Variants in HSPA4 observed in about 807,000 individuals in gnomAD.
HSPA4 encodes the protein heat shock protein family A (Hsp70) member 4.
Under a neutral mutation model 106.2 loss-of-function variants are expected in HSPA4, and 25 were observed. That is an observed-to-expected ratio of 0.24 (90% CI 0.17 to 0.33). The LOEUF is 0.33. Ranked by LOEUF, HSPA4 falls within the 10% of genes least tolerant of loss-of-function variation. The pLI is 1.00. For synonymous variants in HSPA4, 332 were observed against 333.6 expected, an observed-to-expected ratio of 1.00 and a Z score of 0.05; for missense variants, 841 against 996.0, an observed-to-expected ratio of 0.84 and a Z score of 2.10.
chr5:133,095,616 CCTCA>C, intron 13 of HSPA4, among the ~76,000 whole-genome samples: 1 of 152,250 alleles, frequency 6.6e-6, no homozygotes, highest in East Asian at 1.9e-4. Context: ...ATACCCTCCT[CCTCA>C]CTAACTTCAT....
At chr5:133,089,914 G>A (rs2126711252) in intron 11 of HSPA4, among the ~76,000 whole-genome samples, 1 of 152,104 alleles carries the variant, frequency 6.6e-6, no homozygotes, top group East Asian at 1.9e-4. Context: ...GAACAAGTAT[G>A]GTATTCTGAA....
At chr5:133,095,524 T>C (rs1386614887) in intron 13 of HSPA4, among the ~76,000 whole-genome samples, 1 of 152,196 alleles carries the variant, frequency 6.6e-6, no homozygotes, top group Non-Finnish European at 1.5e-5. Context: ...GGAATGAGTT[T>C]TTTCCTTGTG....
At position 133,106,080 on chromosome 5, in the gene HSPA4, A is replaced by G. The variant is rs1462900959; in HGVS notation, c.*1644A>G. 1 of 98,590 alleles carries G rather than the reference A, an allele frequency of 1.0e-5. No individual in the cohort carries two copies. Among genetic ancestry groups the G allele is most frequent in the African/African-American group, 3.7e-5 (1 of 26,684 alleles). 6.1% of individuals were successfully genotyped at this position (98,590 alleles called of 1,614,324 possible). On this transcript the variant is annotated 3_prime_UTR_variant, in exon 19 of 19. Transcript: ENST00000304858. ...ACAACTGGCCCAGACCGTAATGGCC[A>G]TTTCTTCTTAAAAAAAAAAAAATTT...
intron 17 of HSPA4, 43 bp downstream of exon 17, chr5:133,101,921 C>CTTTT (rs60177569): frequency 2.5e-4 from 179 of 719,214 alleles, no homozygotes; most frequent in Admixed American, 3.8e-4. Context: ...GTAAAGTTAA[C>CTTTT]TTTTTTTTTT....
In HSPA4 at chr5:133,076,898, G is replaced by GGTAA; in HGVS notation, c.908+4_908+7dup. ...GTTGATGTATCTGGAACTATGAATA[G>GGTAA]GTAAGTATATTACTATTTCGATGTT... On this transcript the variant is annotated stop_gained and frameshift_variant and splice_region_variant. Transcript: ENST00000304858. LOFTEE classifies it high-confidence loss of function. 6.2e-7 allele frequency: 1 copy of GGTAA among 1,605,466 alleles called. No individual in the cohort carries two copies.
rs77143414 is a variant in HSPA4 at position 133,067,617 on chromosome 5, A to G, written c.306+60A>G. ...TGCATTATTATATTTTATCAGTTCA[A>G]TATCTATCTGTACTTTTCTGATGTC... is the stretch of plus-strand genomic sequence containing the variant. On this transcript the variant is annotated intron_variant, in intron 3 of 18. Coordinates refer to ENST00000304858, the MANE Select transcript of HSPA4 (RefSeq NM_002154.4). The G allele has an allele frequency of 6.2e-3, 8,520 of 1,371,460 alleles. 531 individuals are homozygous for G. In the Admixed American group the frequency reaches 0.12, roughly 19 times the overall value. The allele number at this position is 1,371,460 out of a possible 1,614,324, so 85.0% of individuals were successfully genotyped here. A position where few individuals can be genotyped will look rare whatever the true frequency, so the allele number is the denominator to read the frequency against.
rs57393822 is a variant in HSPA4, at chr5:133,078,635, CAAAAAAAAAA to C, written c.908+1750_908+1759del. The stretch of plus-strand genomic sequence containing the variant: ...GGGCAACAAAGTGAGACACTGTCTC[CAAAAAAAAAA>C]AAAAAAAAAAAAGTTGTACTGTATT... On this transcript the variant is annotated intron_variant, in intron 7 of 18. Coordinates refer to ENST00000304858, the MANE Select transcript of HSPA4 (RefSeq NM_002154.4). 1.2e-3 allele frequency among the ~76,000 whole-genome samples: 97 copies of C among 79,578 alleles called. No homozygotes were observed. In the East Asian group the frequency reaches 0.039, roughly 32 times the overall value. The allele number at this position is 79,578 out of a possible 152,430, so 52.2% of individuals were successfully genotyped here. A position where few individuals can be genotyped will look rare whatever the true frequency, so the allele number is the denominator to read the frequency against.
In HSPA4 at chr5:133,104,530, A is replaced by C; in HGVS notation, c.*94A>C. ...CAACTAGCGCAAGTGAATACTGAAG[A>C]TTTCTTAGTCAGTTTTTAGGGGATT... On this transcript the variant is annotated 3_prime_UTR_variant, in exon 19 of 19. Coordinates refer to ENST00000304858, the MANE Select transcript of HSPA4 (RefSeq NM_002154.4). The C allele has an allele frequency of 8.6e-7, 1 of 1,158,576 alleles. No homozygotes were observed. Among genetic ancestry groups the C allele is most frequent in the South Asian group, 1.4e-5 (1 of 70,296 alleles). The allele number at this position is 1,158,576 out of a possible 1,614,324, so 71.8% of individuals were successfully genotyped here.
intron 7 of HSPA4, among the ~76,000 whole-genome samples, chr5:133,083,865 A>C (rs1040035984): frequency 6.6e-6 from 1 of 152,154 alleles, no homozygotes; most frequent in African/African-American, 2.4e-5. Flanking sequence ...GCATATCTCA[A>C]AGTAAATTGC....
intron 1 of HSPA4, among the ~76,000 whole-genome samples, chr5:133,059,042 T>C (rs1422898903): frequency 7.0e-6 from 1 of 143,268 alleles, no homozygotes; most frequent in African/African-American, 2.6e-5. Flanking sequence ...GCAGGAGAAT[T>C]GCTTGAATCC....
Position 133,073,283 on chromosome 5 carries a change from G to A in HSPA4, c.483G>A (p.Gln161=). The A allele has an allele frequency of 6.2e-7, 1 of 1,612,638 alleles. No individual in the cohort carries two copies. The highest frequency in any genetic ancestry group is 8.5e-7 in the Non-Finnish European group (1 of 1,179,196). ...GACGATCAGTGATGGATGCAACACA[G>A]ATTGCTGGTCTTAATTGCTTGCGAT... ...AERRSVMDAT[Q]IAGLNCLRLM... is the part of the protein sequence containing the mutation. The change falls in exon 5 of 19, where the codon CAG becomes CAA. Residue 161 remains glutamine, a synonymous_variant. Coordinates refer to ENST00000304858, the MANE Select transcript of HSPA4 (RefSeq NM_002154.4).
rs1392776726 is a variant in HSPA4, at chr5:133,065,314, A to G, written c.165+277A>G. Among the ~76,000 whole-genome samples, 5 of 152,246 alleles carry G rather than the reference A, an allele frequency of 3.3e-5. No homozygotes were observed. In the South Asian group the frequency reaches 6.2e-4, roughly 19 times the overall value. ...CAAATGAAAACAATCCAGTGTAACA[A>G]CTACTTACATAGCATTTACATTGTA... On this transcript the variant is annotated intron_variant, in intron 2 of 18. Transcript: ENST00000304858.
intron 1 of HSPA4, among the ~76,000 whole-genome samples, chr5:133,058,764 G>C (rs1449043025): frequency 6.6e-6 from 1 of 152,028 alleles, no homozygotes; most frequent in African/African-American, 2.4e-5. Flanking sequence ...AGGCCGAGGT[G>C]GGGGGATCAC....
chr5:133,057,747 G>A (rs1014090634), intron 1 of HSPA4, among the ~76,000 whole-genome samples: 1 of 152,194 alleles, frequency 6.6e-6, no homozygotes, highest in African/African-American at 2.4e-5. Context: ...CGTGCAATTT[G>A]GAATGGAGGA....
At chr5:133,101,645 T>C in intron 16 of HSPA4, 114 bp from the exon 17 acceptor site, 1 of 964,218 alleles carries the variant, frequency 1.0e-6, no homozygotes, top group Admixed American at 2.7e-5. Flanking sequence ...GAAATATATT[T>C]AACTTCTTAT....
intron 7 of HSPA4, among the ~76,000 whole-genome samples, chr5:133,083,388 C>A (rs1043901375): frequency 3.9e-5 from 6 of 152,144 alleles, no homozygotes; most frequent in Non-Finnish European, 8.8e-5. Flanking sequence ...ATTTTGATTT[C>A]AGATAGTTTC....
intron 7 of HSPA4, among the ~76,000 whole-genome samples, chr5:133,079,870 A>T (rs1290081983): frequency 1.3e-5 from 2 of 152,170 alleles, no homozygotes; most frequent in Non-Finnish European, 2.9e-5. Context: ...TTCCTAAGGG[A>T]TAGCACATGT....
intron 16 of HSPA4, among the ~76,000 whole-genome samples, chr5:133,100,868 T>G (rs987891173): frequency 7.2e-5 from 11 of 152,170 alleles, no homozygotes; most frequent in East Asian, 1.9e-4. Context: ...TTCAGTGGTG[T>G]TATCACGGCT....
intron 1 of HSPA4, among the ~76,000 whole-genome samples, chr5:133,059,907 A>G (rs1765217386): frequency 6.6e-6 from 1 of 152,192 alleles, no homozygotes; most frequent in African/African-American, 2.4e-5. Context: ...TGTAGACTGC[A>G]AGATTTGAAA....
Sources: gnomAD v4.1 joint callset for allele counts (sites outside exome capture counted in the v4.1 genomes callset) on GRCh38, gnomAD v4.1.1 for gene constraint, MANE v1.5 for transcripts, NCBI Gene and HGNC (gene_info 2026-07-23, HGNC 2026-07-21) for gene names.